The following WSCD2 variants were observed in gnomAD, a reference collection of about 807,000 sequenced individuals.
WSCD2 encodes WSC domain sialate O sulfotransferase 2.
In WSCD2, 28 loss-of-function variants were observed where a neutral mutation model predicts 55.7. That is an observed-to-expected ratio of 0.50 (90% CI 0.37 to 0.69). The LOEUF is 0.69. Ranked by LOEUF, WSCD2 falls within the 30% of genes least tolerant of loss-of-function variation. The pLI is 0.00. For missense variants in WSCD2, 616 were observed against 762.1 expected (o/e 0.81, Z 2.26); for synonymous variants, 301 against 301.9 (o/e 1.00, Z 0.03).
intron 1 of WSCD2, among the ~76,000 whole-genome samples, chr12:108,178,577 C>A (rs17040268): frequency 0.021 from 3,243 of 152,254 alleles, 131 homozygotes; most frequent in African/African-American, 0.075. Context: ...GCCAACGGGG[C>A]TTCAATATTC....
chr12:108,172,038 A>C (rs1189293216), intron 1 of WSCD2, among the ~76,000 whole-genome samples: 1 of 152,236 alleles, frequency 6.6e-6, no homozygotes, highest in East Asian at 1.9e-4. Flanking sequence ...TTGAGAGTTA[A>C]TATATGATTT....
chr12:108,185,860 C>A (rs955536257), intron 1 of WSCD2, among the ~76,000 whole-genome samples: 2 of 152,208 alleles, frequency 1.3e-5, no homozygotes, highest in African/African-American at 2.4e-5. Context: ...CAAGACACAG[C>A]AGCTCCTGGA....
intron 1 of WSCD2, among the ~76,000 whole-genome samples, chr12:108,153,952 C>G (rs1878271194): frequency 6.6e-6 from 1 of 151,990 alleles, no homozygotes; most frequent in Admixed American, 6.5e-5. Flanking sequence ...GGTGGTGGTA[C>G]TGCTTGCCTT....
At chr12:108,228,058 G>A (rs897794962) in intron 6 of WSCD2, among the ~76,000 whole-genome samples, 11 of 152,088 alleles carry the variant, frequency 7.2e-5, no homozygotes, top group Admixed American at 3.9e-4. Flanking sequence ...ACTGTGGGGC[G>A]GGGGAGGGGA....
At chr12:108,244,107 A>G (rs1398659760) in intron 8 of WSCD2, among the ~76,000 whole-genome samples, 1 of 152,144 alleles carries the variant, frequency 6.6e-6, no homozygotes, top group African/African-American at 2.4e-5. Flanking sequence ...CTTTCCATCA[A>G]CAAGAAGATG....
Position 108,195,728 on chromosome 12 carries a change from C to T in WSCD2, c.-105C>T. The stretch of plus-strand genomic sequence containing the variant: ...TTCAGGAAGAGTGAGACTGAGGACC[C>T]CCAAGTGTTCCATCCCTAAGGAAAG... On this transcript the variant is annotated 5_prime_UTR_variant, in exon 2 of 9. Coordinates refer to ENST00000547525, the MANE Select transcript of WSCD2 (RefSeq NM_014653.4). 6.9e-7 allele frequency: 1 copy of T among 1,458,210 alleles called. No individual in the cohort carries two copies. The highest frequency in any genetic ancestry group is 2.4e-5 in the Admixed American group (1 of 42,376). The allele number at this position is 1,458,210 out of a possible 1,614,324, so 90.3% of individuals were successfully genotyped here. A position where few individuals can be genotyped will look rare whatever the true frequency, so the allele number is the denominator to read the frequency against.
chr12:108,173,810 C>CTCTGTGTGTGTGTGTGTGTG (rs376999073), intron 1 of WSCD2, among the ~76,000 whole-genome samples: 26 of 131,232 alleles, frequency 2.0e-4, no homozygotes, highest in African/African-American at 7.0e-4. Flanking sequence ...TCCTGGCTCT[C>CTCTGTGTGTGTGTGTGTGTG]TGTGTGTGTG....
At chr12:108,192,303 GGAACCT>G (rs1883283311) in intron 1 of WSCD2, among the ~76,000 whole-genome samples, 1 of 152,180 alleles carries the variant, frequency 6.6e-6, no homozygotes, top group Non-Finnish European at 1.5e-5. Context: ...TTACAGGTGA[GGAACCT>G]GAGTCTTGCT....
Position 108,248,151 on chromosome 12 carries a change from C to A in WSCD2, c.1506C>A (p.Val502=). The part of the protein sequence containing the change: ...GRMVSLLGVA[V]REDRLLCVES... ...TGGTCAGCCTGCTGGGCGTGGCTGT[C>A]AGGGAGGACCGGCTGCTCTGTGTGG... Residue 502 remains valine (V), a synonymous_variant, in exon 9 of 9, where the codon GTC becomes GTA. Transcript: ENST00000547525. The surrounding 1 kb of genome is among the most constrained non-coding windows in gnomAD (Gnocchi z 4.3). The A allele has an allele frequency of 6.2e-7, 1 of 1,614,180 alleles. No individual in the cohort carries two copies.
Position 108,195,669 on chromosome 12 carries a change from C to T in WSCD2, c.-164C>T, listed in dbSNP as rs1277085817. The T allele has an allele frequency of 3.1e-6, 3 of 978,912 alleles. No individual in the cohort carries two copies. Among genetic ancestry groups the T allele is most frequent in the East Asian group, 2.7e-5 (1 of 37,492 alleles). 60.6% of individuals were successfully genotyped at this position (978,912 alleles called of 1,614,324 possible). ...CTCATGGCCTCAGCCAAGCATTGAA[C>T]TTGCCCTCCCCTTCTGGCCTTGGTG... On this transcript the variant is annotated 5_prime_UTR_variant, in exon 2 of 9. Transcript: ENST00000547525.
chr12:108,197,513 C>G (rs1884080849), intron 2 of WSCD2, among the ~76,000 whole-genome samples: 1 of 152,138 alleles, frequency 6.6e-6, no homozygotes, highest in Non-Finnish European at 1.5e-5. Flanking sequence ...TTTACCTTCT[C>G]CCGCCTCAGT....
chr12:108,240,574 G>T, intron 8 of WSCD2, 30 bp downstream of exon 8: 1 of 1,558,032 alleles, frequency 6.4e-7, no homozygotes, highest in Non-Finnish European at 8.8e-7. Flanking sequence ...GGGAGGGGAG[G>T]GGAGGGGCTT....
intron 1 of WSCD2, among the ~76,000 whole-genome samples, chr12:108,157,547 T>C (rs61477808): frequency 0.031 from 4,667 of 152,294 alleles, 217 homozygotes; most frequent in African/African-American, 0.1. Flanking sequence ...TTCCCTTTTT[T>C]GTATCTTTTT....
At chr12:108,237,288 C>T (rs1454754619) in intron 7 of WSCD2, among the ~76,000 whole-genome samples, 1 of 152,234 alleles carries the variant, frequency 6.6e-6, no homozygotes, top group Non-Finnish European at 1.5e-5. Context: ...AAAAACATGT[C>T]TTGTTCTCTC....
At chr12:108,159,149 G>A (rs561029387) in intron 1 of WSCD2, among the ~76,000 whole-genome samples, 22 of 152,172 alleles carry the variant, frequency 1.4e-4, no homozygotes, top group African/African-American at 5.3e-4. Context: ...TGCCCTGGTT[G>A]TTCCTCCATC....
chr12:108,236,154 TC>T (rs1417075672), intron 7 of WSCD2, among the ~76,000 whole-genome samples: 1 of 152,192 alleles, frequency 6.6e-6, no homozygotes, highest in Non-Finnish European at 1.5e-5. Context: ...TTTATCTAAG[TC>T]TTTTAGAGTT....
intron 1 of WSCD2, among the ~76,000 whole-genome samples, chr12:108,136,509 C>G (rs186663775): frequency 6.6e-6 from 1 of 152,134 alleles, no homozygotes; most frequent in Non-Finnish European, 1.5e-5. Flanking sequence ...TCCTGATCAC[C>G]GTAGCTTGTG....
At chr12:108,245,885 T>C (rs1890049450) in intron 8 of WSCD2, among the ~76,000 whole-genome samples, 1 of 152,210 alleles carries the variant, frequency 6.6e-6, no homozygotes, top group African/African-American at 2.4e-5. Context: ...AGCATAAATA[T>C]CTCCCAAACA....
intron 1 of WSCD2, among the ~76,000 whole-genome samples, chr12:108,130,764 G>T (rs755501888): frequency 2.0e-5 from 3 of 152,084 alleles, no homozygotes; most frequent in Non-Finnish European, 4.4e-5. Flanking sequence ...AGCCTGGGGA[G>T]GTGCAAACTT....
Sources: allele counts gnomAD v4.1 joint callset (sites outside exome capture counted in the v4.1 genomes callset), GRCh38; gene constraint gnomAD v4.1.1; non-coding constraint Gnocchi (gnomAD v3.1); transcripts MANE v1.5; gene names NCBI Gene and HGNC (gene_info 2026-07-23, HGNC 2026-07-21).